TENM3: variants seen among roughly 807,000 people sequenced by gnomAD.
TENM3 encodes the protein teneurin-3.
TENM3 carries 63 observed loss-of-function variants against 255.1 expected under a neutral mutation model. The observed-to-expected ratio is 0.25, with a 90% CI of 0.20 to 0.30. The LOEUF is 0.30. Among genes scored for constraint, TENM3 ranks in the 10% least tolerant of loss-of-function variants. The pLI, the probability that TENM3 is intolerant of heterozygous loss-of-function variation, is 1.00. For missense variants in TENM3, 2,929 were observed against 3,461.1 expected, an observed-to-expected ratio of 0.85 and a Z score of 3.86; for synonymous variants, 1,306 against 1,322.3, an observed-to-expected ratio of 0.99 and a Z score of 0.27.
chr4:181,683,688 G>A, the TENM3 span, among the ~76,000 whole-genome samples: 1 of 152,178 alleles, frequency 6.6e-6, no homozygotes, highest in Admixed American at 6.5e-5. Flanking sequence ...GATGGTCTAG[G>A]AGAGGCGAAG....
the TENM3 span, among the ~76,000 whole-genome samples, chr4:181,542,350 C>T: frequency 0.032 from 4,860 of 152,130 alleles, 194 homozygotes; most frequent in African/African-American, 0.092. Flanking sequence ...CTGTATGGGG[C>T]GTCTCCAGCC....
intron 3 of TENM3, among the ~76,000 whole-genome samples, chr4:182,459,297 C>A (rs1000424819): frequency 6.6e-6 from 1 of 151,976 alleles, no homozygotes; most frequent in Non-Finnish European, 1.5e-5. Context: ...AAAAAGGCAA[C>A]AACTCCTGTG....
chr4:182,140,631 C>A (rs554359768), upstream of TENM3, among the ~76,000 whole-genome samples: 21 of 152,334 alleles, frequency 1.4e-4, no homozygotes, highest in South Asian at 3.3e-3. Context: ...CGGCGGTCCC[C>A]TTCTGCACGC....
At chr4:182,048,066 C>T in the TENM3 span, among the ~76,000 whole-genome samples, 140,534 of 152,150 alleles carry the variant, frequency 0.92, 65,927 homozygotes, top group East Asian at 1. Context: ...TCACCAATAA[C>T]CTTTTATAAT....
At chr4:182,037,687 C>T in the TENM3 span, among the ~76,000 whole-genome samples, 1 of 151,984 alleles carries the variant, frequency 6.6e-6, no homozygotes, top group Non-Finnish European at 1.5e-5. Flanking sequence ...ACATTTTTTC[C>T]TATGGTGTTT....
the TENM3 span, among the ~76,000 whole-genome samples, chr4:181,564,389 G>C: frequency 1.3e-5 from 2 of 152,158 alleles, no homozygotes; most frequent in Non-Finnish European, 2.9e-5. Flanking sequence ...ATGAGGCACA[G>C]AGAGCTTGAG....
rs140135953 is a variant in TENM3 at position 182,189,885 on chromosome 4, G to A, written c.-76+45131G>A. Among the ~76,000 whole-genome samples the A allele has an allele frequency of 1.8e-3, 272 of 152,300 alleles. 3 individuals carry two copies. The highest frequency in any genetic ancestry group is 2.9e-3 in the Non-Finnish European group (199 of 68,026). ...CTCACCTATTTAGAGCCAAATTTAT[G>A]CGTAAGGCAGACATCTGCATCTTTG... On this transcript the variant is annotated intron_variant, in intron 1 of 2. Coordinates refer to the TENM3 transcript ENST00000512480.
intron 1 of TENM3, among the ~76,000 whole-genome samples, chr4:182,194,034 T>G (rs1753690899): frequency 6.6e-6 from 1 of 152,240 alleles, no homozygotes; most frequent in South Asian, 2.1e-4. Flanking sequence ...CATAATCTAT[T>G]TTTTATTGTG....
At chr4:181,770,466 A>G in the TENM3 span, among the ~76,000 whole-genome samples, 2 of 152,072 alleles carry the variant, frequency 1.3e-5, no homozygotes, top group Admixed American at 6.6e-5. Context: ...CGAGGTCAGG[A>G]GATCAAGACC....
At chr4:182,363,485 T>A (rs921734346) in intron 3 of TENM3, among the ~76,000 whole-genome samples, 1 of 151,978 alleles carries the variant, frequency 6.6e-6, no homozygotes, top group African/African-American at 2.4e-5. Flanking sequence ...AGGAAATAAG[T>A]TTCCTCCTTA....
At chr4:182,432,865 T>TGTGTGTGTGTG (rs1554066043) in intron 3 of TENM3, among the ~76,000 whole-genome samples, 5 of 151,368 alleles carry the variant, frequency 3.3e-5, no homozygotes, top group African/African-American at 7.3e-5. Context: ...TGTGTGTGTG[T>TGTGTGTGTGTG]TTTAGTAGAG....
the TENM3 span, among the ~76,000 whole-genome samples, chr4:181,663,169 G>T: frequency 1.3e-5 from 2 of 152,108 alleles, no homozygotes; most frequent in South Asian, 2.1e-4. Context: ...TCAACAAGGG[G>T]TCTGCTTCAT....
At chr4:181,679,528 A>G in the TENM3 span, among the ~76,000 whole-genome samples, 1 of 152,254 alleles carries the variant, frequency 6.6e-6, no homozygotes, top group South Asian at 2.1e-4. Context: ...TATATGTTGT[A>G]TAGCACTGGA....
chr4:182,461,636 C>T (rs1732002713), intron 3 of TENM3, among the ~76,000 whole-genome samples: 1 of 152,102 alleles, frequency 6.6e-6, no homozygotes, highest in Admixed American at 6.5e-5. Context: ...AGTAGAGAAA[C>T]CCATTTGGAC....
At chr4:181,810,643 A>G in the TENM3 span, among the ~76,000 whole-genome samples, 1 of 152,126 alleles carries the variant, frequency 6.6e-6, no homozygotes, top group African/African-American at 2.4e-5. Flanking sequence ...GATGAGAGAT[A>G]TATACATGTG....
chr4:182,602,280 C>A (rs1336360258), intron 4 of TENM3, among the ~76,000 whole-genome samples: 2 of 152,192 alleles, frequency 1.3e-5, no homozygotes, highest in Non-Finnish European at 2.9e-5. Context: ...AGAGTTATCA[C>A]CATAGAAAAG....
chr4:182,570,711 G>A (rs914393660), intron 3 of TENM3, among the ~76,000 whole-genome samples: 1 of 152,140 alleles, frequency 6.6e-6, no homozygotes, highest in African/African-American at 2.4e-5. Flanking sequence ...GCAGGCGCCT[G>A]TAGTCCAGCT....
chr4:182,637,528 A>T (rs745719705), intron 5 of TENM3, among the ~76,000 whole-genome samples: 1 of 152,198 alleles, frequency 6.6e-6, no homozygotes, highest in African/African-American at 2.4e-5. Context: ...TAGCAAGAGC[A>T]TCTCTAAAAA....
chr4:182,690,013 C>G (rs952607355), intron 12 of TENM3, among the ~76,000 whole-genome samples: 1 of 152,222 alleles, frequency 6.6e-6, no homozygotes, highest in Non-Finnish European at 1.5e-5. Flanking sequence ...GAGGTATCCT[C>G]TGTCTGCCAC....
Sources: gnomAD v4.1 joint callset for allele counts (sites outside exome capture counted in the v4.1 genomes callset) on GRCh38, gnomAD v4.1.1 for gene constraint, MANE v1.5 for transcripts, NCBI Gene and HGNC (gene_info 2026-07-23, HGNC 2026-07-21) for gene names.